Variants in AATK observed in about 807,000 individuals in gnomAD.
AATK encodes serine/threonine-protein kinase LMTK1.
AATK carries 91 observed loss-of-function variants against 114.3 expected under a neutral mutation model. The ratio of observed to expected loss-of-function variants is 0.80; its 90% confidence interval spans 0.67 to 0.95. The LOEUF is 0.95. AATK is among the 40% of genes least tolerant of loss of function. The pLI is 0.00. For missense variants in AATK, 2,176 were observed against 1,965.2 expected (o/e 1.11, Z -2.03); for synonymous variants, 1,075 against 916.5 (o/e 1.17, Z -3.12).
chr17:81,165,910 C>T (rs780523489), intron 1 of AATK, 28 bp downstream of exon 1: 3 of 1,565,636 alleles, frequency 1.9e-6, no homozygotes, highest in East Asian at 2.4e-5. Context: ...GAGGCAGCGG[C>T]GCGCAGGCCG....
intron 1 of AATK, among the ~76,000 whole-genome samples, chr17:81,162,288 T>C (rs528179014): frequency 1.2e-3 from 129 of 111,640 alleles, no homozygotes; most frequent in African/African-American, 4.2e-3. Context: ...ACCTGAGACC[T>C]GAGAGGAAGT....
chr17:81,158,238 G>T (rs564865154), intron 1 of AATK, among the ~76,000 whole-genome samples: 4 of 152,338 alleles, frequency 2.6e-5, no homozygotes, highest in African/African-American at 9.6e-5. Flanking sequence ...GAGCAGGGCG[G>T]GGCCCAGCCT....
chr17:81,123,406 A>G, intron 9 of AATK, 63 bp from the exon 10 acceptor site: 1 of 1,296,702 alleles, frequency 7.7e-7, no homozygotes, highest in Non-Finnish European at 9.8e-7. Context: ...ACCGCGCAGG[A>G]TCCCCGGGGC....
chr17:81,128,810 A>G, intron 3 of AATK: 3 of 1,274,636 alleles, frequency 2.4e-6, no homozygotes, highest in Non-Finnish European at 3.0e-6. Flanking sequence ...GCCTGAAGCC[A>G]CTGGGATAGC....
At chr17:81,149,844 G>A (rs574644385) in intron 1 of AATK, among the ~76,000 whole-genome samples, 2 of 152,292 alleles carry the variant, frequency 1.3e-5, no homozygotes, top group South Asian at 4.1e-4. Context: ...GCCTCAAAAT[G>A]CCCGGTGCCT....
chr17:81,149,048 C>T (rs1008080412), intron 1 of AATK, among the ~76,000 whole-genome samples: 4 of 152,160 alleles, frequency 2.6e-5, no homozygotes, highest in Admixed American at 1.3e-4. Flanking sequence ...GCACCCTGGC[C>T]GAGCTCTGGG....
At position 81,122,593 on chromosome 17, in the gene AATK, G is replaced by T; in HGVS notation, c.1343C>A (p.Pro448Gln). 1 of 1,440,132 alleles carries T rather than the reference G, an allele frequency of 6.9e-7. No individual in the cohort carries two copies. Among genetic ancestry groups the T allele is most frequent in the Non-Finnish European group, 9.2e-7 (1 of 1,087,502 alleles). The allele number at this position is 1,440,132 out of a possible 1,614,324, so 89.2% of individuals were successfully genotyped here. The change falls in exon 11 of 14, where the codon CCG becomes CAG. Residue 448 changes from proline to glutamine, a missense_variant. Coordinates refer to ENST00000326724, the MANE Select transcript of AATK (RefSeq NM_001080395.3). Reference protein sequence around the residue: ...VVELAAASSFPLLEQFAGDGF... With the variant: ...VVELAAASSFQLLEQFAGDGF... ...GTCGCCCGCGAACTGCTCCAGCAGC[G>T]GGAAGGACGAGGCAGCGGCGAGCTC...
At chr17:81,125,546 G>A (rs1028751019) in intron 7 of AATK, among the ~76,000 whole-genome samples, 3 of 152,190 alleles carry the variant, frequency 2.0e-5, no homozygotes, top group South Asian at 2.1e-4. Flanking sequence ...GTTGGGTAGG[G>A]TCTGGAAAGA....
chr17:81,140,095 C>G (rs2061100074), intron 1 of AATK, among the ~76,000 whole-genome samples: 2 of 152,138 alleles, frequency 1.3e-5, no homozygotes, highest in South Asian at 4.1e-4. Flanking sequence ...TCACTGCAGC[C>G]TGGAACTCCT....
chr17:81,145,854 G>A (rs983348047), intron 1 of AATK, among the ~76,000 whole-genome samples: 1 of 151,632 alleles, frequency 6.6e-6, no homozygotes, highest in Non-Finnish European at 1.5e-5. Flanking sequence ...ACTACACAGA[G>A]CACACAATCA....
chr17:81,132,076 C>T lies in AATK; in HGVS notation c.190-871G>A, dbSNP rs928800746. ...GCACCTGTATAGGGGATACCCCACCCCCAAGTCCAGGGCACATTCCTGCGC... is the reference window on the plus strand; with the variant it reads ...GCACCTGTATAGGGGATACCCCACCTCCAAGTCCAGGGCACATTCCTGCGC... On this transcript the variant is annotated intron_variant, in intron 2 of 13. Coordinates refer to ENST00000326724, the MANE Select transcript of AATK (RefSeq NM_001080395.3). 4 of 1,249,214 alleles carry T rather than the reference C, an allele frequency of 3.2e-6. No homozygotes were observed. The South Asian group carries it at 5.1e-5, about 16-fold the overall frequency. 77.4% of individuals were successfully genotyped at this position (1,249,214 alleles called of 1,614,324 possible).
In AATK at chr17:81,134,385, C is replaced by G; in HGVS notation, c.172G>C (p.Gly58Arg). 6.2e-7 allele frequency: 1 copy of G among 1,613,268 alleles called. No individual in the cohort carries two copies. Among genetic ancestry groups the G allele is most frequent in the Non-Finnish European group, 8.5e-7 (1 of 1,179,796 alleles). The change falls in exon 2 of 14, where the codon GGC (glycine) becomes CGC (arginine). Residue 58 changes from glycine to arginine, a missense_variant. By Grantham distance (125) the Gly-to-Arg change is moderately radical (BLOSUM62 -2). Around this residue, in one of 4 missense-constraint regions of AATK, gnomAD observed 178 missense variants for 175.4 expected, o/e 1.01. Transcript: ENST00000326724. Reference sequence around the variant, plus strand: ...GGCCTCACCTTGAACCCGATACCGCCCTTCTTACAGCACAGGCAGGCCAGC... The same window carrying G: ...GGCCTCACCTTGAACCCGATACCGCGCTTCTTACAGCACAGGCAGGCCAGC... ...LMLACLCCKK[G>R]GIGFKEFENA...
At chr17:81,138,735 G>A (rs575651408) in intron 1 of AATK, among the ~76,000 whole-genome samples, 12 of 142,860 alleles carry the variant, frequency 8.4e-5, no homozygotes, top group Middle Eastern at 9.5e-3. Flanking sequence ...ACACATGCGC[G>A]CACACAGATA....
intron 12 of AATK, 139 bp from the exon 13 acceptor site, chr17:81,119,719 A>G (rs1274771617): frequency 1.0e-6 from 1 of 956,946 alleles, no homozygotes; most frequent in East Asian, 5.0e-5. Flanking sequence ...TCACGGGCCC[A>G]GGCCCCGCCT....
chr17:81,158,497 T>A (rs2061393686), intron 1 of AATK, among the ~76,000 whole-genome samples: 1 of 152,226 alleles, frequency 6.6e-6, no homozygotes, highest in Non-Finnish European at 1.5e-5. Flanking sequence ...AAGCTGCTGG[T>A]GCTCAGCCCT....
intron 9 of AATK, among the ~76,000 whole-genome samples, chr17:81,124,239 GCGGCT>G (rs570937419): frequency 6.5e-4 from 90 of 139,036 alleles, no homozygotes; most frequent in African/African-American, 2.3e-3. Context: ...CACTCCCCTG[GCGGCT>G]CGGCCCTGCC....
In AATK at chr17:81,117,388, C is replaced by G. The variant is rs185833025; in HGVS notation, c.*1014G>C. The stretch of plus-strand genomic sequence containing the variant: ...GCCTCAAACAAAACACAAAACAAAT[C>G]CCCCTGCGAAGCAACAATAAACTTT... On this transcript the variant is annotated 3_prime_UTR_variant, in exon 14 of 14. Transcript: ENST00000326724. The G allele has an allele frequency of 4.8e-4, 73 of 152,420 alleles. No individual in the cohort carries two copies. Among genetic ancestry groups the G allele is most frequent in the African/African-American group, 1.6e-3 (67 of 41,578 alleles). 9.4% of individuals were successfully genotyped at this position (152,420 alleles called of 1,614,324 possible). A position where few individuals can be genotyped will look rare whatever the true frequency, so the allele number is the denominator to read the frequency against.
chr17:81,143,559 A>C (rs562528461), intron 1 of AATK, among the ~76,000 whole-genome samples: 6 of 128,852 alleles, frequency 4.7e-5, no homozygotes, highest in Admixed American at 7.8e-5. Flanking sequence ...CGCAGCCCCA[A>C]TTCCCCCAGC....
At chr17:81,147,684 T>C (rs1437155528) in intron 1 of AATK, among the ~76,000 whole-genome samples, 3 of 150,920 alleles carry the variant, frequency 2.0e-5, no homozygotes, top group Admixed American at 2.0e-4. Context: ...TAAGCCCAGG[T>C]GTGGAGGTTG....
Sources: allele counts gnomAD v4.1 joint callset (sites outside exome capture counted in the v4.1 genomes callset), GRCh38; gene constraint gnomAD v4.1.1; regional missense constraint gnomAD v4.1.1; transcripts MANE v1.5; gene names NCBI Gene and HGNC (gene_info 2026-07-23, HGNC 2026-07-21).